The following UST variants were observed in gnomAD, a reference collection of about 807,000 sequenced individuals.
UST encodes uronyl 2-sulfotransferase, also known as chondroitin sulfate 2-O-sulfotransferase.
A neutral mutation model predicts 45.6 loss-of-function variants in UST; 21 were observed. That is an observed-to-expected ratio of 0.46 (90% CI 0.33 to 0.66). The LOEUF is 0.66. UST is among the 30% of genes least tolerant of loss of function. The pLI, the probability that UST is intolerant of heterozygous loss-of-function variation, is 0.02. For synonymous variants in UST, 215 were observed against 200.6 expected, an observed-to-expected ratio of 1.07 and a Z score of -0.61; for missense variants, 463 against 512.4, an observed-to-expected ratio of 0.90 and a Z score of 0.93.
At chr6:149,010,849 G>A (rs1371955293) in intron 5 of UST, among the ~76,000 whole-genome samples, 10 of 132,924 alleles carry the variant, frequency 7.5e-5, no homozygotes, top group South Asian at 2.4e-4. Context: ...CCGAGATCGC[G>A]CCTCTGCACT....
intron 3 of UST, among the ~76,000 whole-genome samples, chr6:148,945,455 C>G (rs1476798444): frequency 1.3e-5 from 2 of 152,140 alleles, no homozygotes; most frequent in Non-Finnish European, 2.9e-5. Context: ...TGGGGTAGAG[C>G]CCAGAAAACT....
chr6:148,869,451 C>T (rs187363017), intron 1 of UST, among the ~76,000 whole-genome samples: 9 of 152,296 alleles, frequency 5.9e-5, no homozygotes, highest in African/African-American at 2.2e-4. Context: ...GTGAGGATTA[C>T]CTTTCCAAAT....
At chr6:149,027,928 C>G (rs1776074122) in intron 7 of UST, 1 of 151,094 alleles carries the variant, frequency 6.6e-6, no homozygotes, top group South Asian at 2.1e-4. Flanking sequence ...ACTGCAACCT[C>G]TGCCTCCTGG....
chr6:148,870,513 A>T (rs1168791505), intron 1 of UST, among the ~76,000 whole-genome samples: 2 of 152,216 alleles, frequency 1.3e-5, no homozygotes, highest in Admixed American at 1.3e-4. Flanking sequence ...TCCCCTGGGT[A>T]TGCAGATGCC....
chr6:148,837,219 C>CA (rs150381463), intron 1 of UST, among the ~76,000 whole-genome samples: 3 of 151,800 alleles, frequency 2.0e-5, no homozygotes, highest in South Asian at 4.2e-4. Context: ...TAATTCATGT[C>CA]AAAAAAAATG....
intron 1 of UST, among the ~76,000 whole-genome samples, chr6:148,760,100 C>G (rs1260541569): frequency 6.6e-6 from 1 of 152,168 alleles, no homozygotes; most frequent in African/African-American, 2.4e-5. Flanking sequence ...AAGTAGAATA[C>G]ACAAAAACAT....
intron 1 of UST, among the ~76,000 whole-genome samples, chr6:148,777,751 T>A (rs150105258): frequency 4.6e-5 from 7 of 152,328 alleles, no homozygotes; most frequent in African/African-American, 1.7e-4. Context: ...TTCACCATGT[T>A]GTCCAGGCTG....
chr6:148,826,430 A>C (rs1777568433), intron 1 of UST, among the ~76,000 whole-genome samples: 2 of 129,420 alleles, frequency 1.5e-5, no homozygotes, highest in South Asian at 2.4e-4. Context: ...TTTATTCATC[A>C]TGTTTTTTTT....
At chr6:149,002,807 G>C (rs561950015) in intron 5 of UST, among the ~76,000 whole-genome samples, 4 of 152,046 alleles carry the variant, frequency 2.6e-5, no homozygotes, top group Non-Finnish European at 5.9e-5. Context: ...GCGCCTGGCC[G>C]TATGACACAT....
chr6:148,875,745 A>C (rs1194882090), intron 1 of UST, among the ~76,000 whole-genome samples: 2 of 152,248 alleles, frequency 1.3e-5, no homozygotes, highest in African/African-American at 4.8e-5. Context: ...CGGAGTTTGC[A>C]GTCAGCCGAG....
intron 3 of UST, among the ~76,000 whole-genome samples, chr6:148,953,490 A>G (rs1348708729): frequency 6.6e-6 from 1 of 152,216 alleles, no homozygotes; most frequent in Non-Finnish European, 1.5e-5. Context: ...GAATAAAAAG[A>G]GTCGGATATT....
At chr6:148,855,177 G>T (rs192280702) in intron 1 of UST, among the ~76,000 whole-genome samples, 8 of 152,180 alleles carry the variant, frequency 5.3e-5, no homozygotes, top group African/African-American at 1.9e-4. Context: ...CCCTTGACAC[G>T]TGGGACCTGT....
At chr6:149,016,831 C>T (rs1429588336) in intron 5 of UST, among the ~76,000 whole-genome samples, 7 of 152,316 alleles carry the variant, frequency 4.6e-5, no homozygotes. Context: ...CCAGAATCAC[C>T]CTAGGCTCTG....
chr6:148,804,420 A>G (rs1194298850), intron 1 of UST, among the ~76,000 whole-genome samples: 2 of 151,908 alleles, frequency 1.3e-5, no homozygotes, highest in African/African-American at 2.4e-5. Context: ...CTCTTATTCC[A>G]CCTGCTGTAA....
At chr6:148,809,958 A>G (rs568790528) in intron 1 of UST, among the ~76,000 whole-genome samples, 39 of 152,312 alleles carry the variant, frequency 2.6e-4, no homozygotes, top group Admixed American at 2.1e-3. Context: ...TCATGTACAG[A>G]AAGTTGGTAT....
intron 3 of UST, 116 bp downstream of exon 3, chr6:148,941,550 T>C (rs3734374): frequency 0.014 from 17,638 of 1,229,618 alleles, 918 homozygotes; most frequent in East Asian, 0.12. Context: ...AGAGTTTTGA[T>C]TTCATGCTGT....
At chr6:148,964,189 C>CGTA in intron 4 of UST, among the ~76,000 whole-genome samples, 2 of 152,302 alleles carry the variant, frequency 1.3e-5, no homozygotes, top group African/African-American at 4.8e-5. Context: ...TCCTCACAGC[C>CGTA]CCTCAACAGG....
chr6:148,967,837 GC>G (rs1433288348), intron 5 of UST, among the ~76,000 whole-genome samples: 2 of 152,232 alleles, frequency 1.3e-5, no homozygotes, highest in Admixed American at 1.3e-4. Flanking sequence ...CTGGCCCTGA[GC>G]CTCACAGAGC....
At chr6:148,808,682 T>C (rs1777196678) in intron 1 of UST, among the ~76,000 whole-genome samples, 2 of 152,134 alleles carry the variant, frequency 1.3e-5, no homozygotes, top group Non-Finnish European at 2.9e-5. Context: ...AATGTTCTAG[T>C]GTCTCCCCAA....
Sources: gnomAD v4.1 joint callset for allele counts (sites outside exome capture counted in the v4.1 genomes callset) on GRCh38, gnomAD v4.1.1 for gene constraint, MANE v1.5 for transcripts, NCBI Gene and HGNC (gene_info 2026-07-23, HGNC 2026-07-21) for gene names.